The following ZNF462 variants were observed in gnomAD, a reference collection of about 807,000 sequenced individuals.
ZNF462 encodes zinc finger PBX1-interacting protein.
A neutral mutation model predicts 201.9 loss-of-function variants in ZNF462; 10 were observed. The ratio of observed to expected loss-of-function variants is 0.05; its 90% CI spans 0.03 to 0.08. ZNF462 has a LOEUF of 0.08. Among genes scored for constraint, ZNF462 ranks in the 10% least tolerant of loss-of-function variants. The pLI is 1.00. For synonymous variants in ZNF462, 1,227 were observed against 1,193.3 expected (o/e 1.03, Z -0.58); for missense variants, 2,523 against 3,168.3 (o/e 0.80, Z 4.89).
intron 1 of ZNF462, among the ~76,000 whole-genome samples, chr9:106,869,312 CAA>C (rs1261285639): frequency 3.3e-5 from 5 of 152,120 alleles, no homozygotes; most frequent in African/African-American, 1.2e-4. Flanking sequence ...TCTTGGAGCC[CAA>C]CTCTCTTGCA....
chr9:106,934,159 C>T (rs1313254112), intron 5 of ZNF462, among the ~76,000 whole-genome samples: 1 of 151,590 alleles, frequency 6.6e-6, no homozygotes, highest in Non-Finnish European at 1.5e-5. Context: ...AAGGTATGGC[C>T]CCATTATTAT....
chr9:106,942,355 C>G (rs1179208426), intron 7 of ZNF462, among the ~76,000 whole-genome samples: 1 of 152,194 alleles, frequency 6.6e-6, no homozygotes, highest in Non-Finnish European at 1.5e-5. Flanking sequence ...GGAGATTTCA[C>G]TCCAGCTGCC....
intron 7 of ZNF462, among the ~76,000 whole-genome samples, chr9:106,943,498 C>T (rs1220884635): frequency 6.6e-6 from 1 of 152,152 alleles, no homozygotes; most frequent in Non-Finnish European, 1.5e-5. Flanking sequence ...CTACCCTAAG[C>T]ATTTAATGTC....
chr9:106,884,167 C>T (rs1024940128), intron 1 of ZNF462, among the ~76,000 whole-genome samples: 4 of 152,094 alleles, frequency 2.6e-5, no homozygotes, highest in Non-Finnish European at 5.9e-5. Flanking sequence ...TCAGGTTCTA[C>T]CACAGGAGAG....
Position 106,924,031 on chromosome 9 carries a change from G to T in ZNF462, c.221-102G>T. 1 of 1,010,638 alleles carries T rather than the reference G, an allele frequency of 9.9e-7. No homozygotes were observed. 62.6% of individuals were successfully genotyped at this position (1,010,638 alleles called of 1,614,324 possible). A position where few individuals can be genotyped will look rare whatever the true frequency, so the allele number is the denominator to read the frequency against. The stretch of plus-strand genomic sequence containing the variant: ...TCTTGAGACTTCAGGCCTTTTGCAT[G>T]TGATGTTTAGTAATGAAGAATAATT... On this transcript the variant is annotated intron_variant, in intron 2 of 12. Transcript: ENST00000277225. The surrounding 1 kb of genome is among the most constrained non-coding windows in gnomAD (Gnocchi z 6.2).
intron 1 of ZNF462, among the ~76,000 whole-genome samples, chr9:106,888,188 C>G (rs968328122): frequency 2.0e-5 from 3 of 152,066 alleles, no homozygotes; most frequent in Non-Finnish European, 4.4e-5. Flanking sequence ...ACTACAGGCG[C>G]CCGCCACCGC....
At chr9:106,881,201 C>G (rs1388086921) in intron 1 of ZNF462, among the ~76,000 whole-genome samples, 1 of 152,174 alleles carries the variant, frequency 6.6e-6, no homozygotes, top group Non-Finnish European at 1.5e-5. Flanking sequence ...TCTAGACCAT[C>G]TTTTCAAACA....
chr9:106,877,445 G>A (rs892324801), intron 1 of ZNF462, among the ~76,000 whole-genome samples: 12 of 151,778 alleles, frequency 7.9e-5, no homozygotes, highest in African/African-American at 2.4e-4. Flanking sequence ...CTGGAGTGCA[G>A]TGGCATGATC....
intron 7 of ZNF462, among the ~76,000 whole-genome samples, chr9:106,957,470 G>A (rs894072735): frequency 3.3e-5 from 5 of 152,038 alleles, no homozygotes; most frequent in Non-Finnish European, 7.4e-5. Flanking sequence ...CACGGACACA[G>A]GAAATGAGTA....
chr9:106,918,258 C>T (rs1012054410), intron 1 of ZNF462, among the ~76,000 whole-genome samples: 1 of 152,136 alleles, frequency 6.6e-6, no homozygotes, highest in African/African-American at 2.4e-5. Flanking sequence ...ATTCTGCCCC[C>T]AGCTCTTGTT....
chr9:106,883,723 A>G lies in ZNF462; in HGVS notation c.-31+20368A>G, dbSNP rs1828200769. 6.6e-6 allele frequency among the ~76,000 whole-genome samples: 1 copy of G among 152,230 alleles called. No homozygotes were observed. The highest frequency in any genetic ancestry group is 1.9e-4 in the East Asian group (1 of 5,198). ...TCCTCTGAAGTTTGGATGCGGTTCA[A>G]AGCTAAGATTGAGGCTCCTTTGGCT... On this transcript the variant is annotated intron_variant, in intron 1 of 12. Coordinates refer to ENST00000277225, the MANE Select transcript of ZNF462 (RefSeq NM_021224.6). The surrounding 1 kb of genome is among the most constrained non-coding windows in gnomAD (Gnocchi z 4.9).
intron 10 of ZNF462, among the ~76,000 whole-genome samples, chr9:106,991,588 T>C (rs1444542013): frequency 2.6e-5 from 4 of 151,858 alleles, no homozygotes; most frequent in Non-Finnish European, 4.4e-5. Context: ...AATATCCTAG[T>C]GTGGAGAAAC....
At chr9:107,007,056 G>A (rs2132720928) in intron 11 of ZNF462, among the ~76,000 whole-genome samples, 1 of 152,086 alleles carries the variant, frequency 6.6e-6, no homozygotes, top group South Asian at 2.1e-4. Context: ...GGATACTTTT[G>A]ACAGAAAGAC....
chr9:106,985,876 A>G (rs1242258442), intron 10 of ZNF462, among the ~76,000 whole-genome samples: 1 of 152,154 alleles, frequency 6.6e-6, no homozygotes, highest in Admixed American at 6.5e-5. Flanking sequence ...TTATTTTCCA[A>G]TGTGTCTGCC....
chr9:106,973,813 T>A (rs1049687730), intron 8 of ZNF462, among the ~76,000 whole-genome samples: 1 of 152,082 alleles, frequency 6.6e-6, no homozygotes, highest in Non-Finnish European at 1.5e-5. Context: ...AAATAGTTCC[T>A]TTTTTGGGAT....
rs1050073416 is a variant in ZNF462 at position 106,880,675 on chromosome 9, A to G, written c.-31+17320A>G. 6.6e-6 allele frequency among the ~76,000 whole-genome samples: 1 copy of G among 152,202 alleles called. No homozygotes were observed. The highest frequency in any genetic ancestry group is 6.5e-5 in the Admixed American group (1 of 15,280). On this transcript the variant is annotated intron_variant, in intron 1 of 12. Coordinates refer to ENST00000277225, the MANE Select transcript of ZNF462 (RefSeq NM_021224.6). The surrounding 1 kb of genome is among the most constrained non-coding windows in gnomAD (Gnocchi z 4.1). ...AATGGTTTAAGTTGGGCCTTTTATA[A>G]CTGATACTCACCTATATTTCTCTAT...
chr9:106,980,255 A>G (rs1827319469), intron 9 of ZNF462, among the ~76,000 whole-genome samples: 1 of 152,180 alleles, frequency 6.6e-6, no homozygotes, highest in Non-Finnish European at 1.5e-5. Flanking sequence ...GATGATTTAT[A>G]TAAAAATAAT....
chr9:106,892,578 A>T (rs1470307787), intron 1 of ZNF462, among the ~76,000 whole-genome samples: 1 of 152,090 alleles, frequency 6.6e-6, no homozygotes, highest in Non-Finnish European at 1.5e-5. Context: ...AAGGCAGTGG[A>T]AAAGAAGACA....
At position 106,890,587 on chromosome 9, in the gene ZNF462, A is replaced by G. The variant is rs1034520335; in HGVS notation, c.-31+27232A>G. On this transcript the variant is annotated intron_variant, in intron 1 of 12. Transcript: ENST00000277225. This position sits in a 1 kb window ranked among gnomAD's most constrained non-coding sequence, Gnocchi z 4.2. Reference sequence around the variant, plus strand: ...AACATTTGAAGCTTGTCCCCACTCAACAATGATGATGCACTTAGGCTTACC... The same window carrying G: ...AACATTTGAAGCTTGTCCCCACTCAGCAATGATGATGCACTTAGGCTTACC... 3.9e-5 allele frequency among the ~76,000 whole-genome samples: 6 copies of G among 152,210 alleles called. No homozygotes were observed. Among genetic ancestry groups the G allele is most frequent in the East Asian group, 1.9e-4 (1 of 5,198 alleles).
Sources: allele counts gnomAD v4.1 joint callset (sites outside exome capture counted in the v4.1 genomes callset), GRCh38; gene constraint gnomAD v4.1.1; non-coding constraint Gnocchi (gnomAD v3.1); transcripts MANE v1.5; gene names NCBI Gene and HGNC (gene_info 2026-07-23, HGNC 2026-07-21).